The following ARHGAP36 variants were observed in gnomAD, a reference collection of about 807,000 sequenced individuals.
The protein encoded by ARHGAP36 is rho GTPase-activating protein 36.
A neutral mutation model predicts 32.9 loss-of-function variants in ARHGAP36; 7 were observed. That is an observed-to-expected ratio of 0.21 (90% CI 0.12 to 0.40). ARHGAP36 has a LOEUF of 0.40. ARHGAP36 is among the 10% of genes least tolerant of loss of function. The pLI is 1.00. For missense variants in ARHGAP36, 383 were observed against 442.2 expected (o/e 0.87, Z 1.20); for synonymous variants, 165 against 168.3 (o/e 0.98, Z 0.15).
intron 1 of ARHGAP36, among the ~76,000 whole-genome samples, chrX:131,075,572 C>T (rs1243798540): frequency 9.5e-6 from 1 of 105,402 alleles, no homozygotes; most frequent in Non-Finnish European, 1.9e-5. Flanking sequence ...TATATATATA[C>T]ACACACACAT....
At position 131,081,806 on chromosome X, in the gene ARHGAP36, G is replaced by A. The variant is rs868653873; in HGVS notation, c.141G>A (p.Thr47=). ...CAGGACACAACCCCGACCGCAGGAC[G>A]AAGATGGTATCGATACACAGCCTCT... is the stretch of plus-strand genomic sequence containing the variant. The part of the protein sequence containing the change: ...GAPGHNPDRR[T]KMVSIHSLSE... The change falls in exon 2 of 12, where the codon ACG becomes ACA. Residue 47 remains threonine, a synonymous_variant. Coordinates refer to ENST00000276211, the MANE Select transcript of ARHGAP36 (RefSeq NM_144967.4). The A allele has an allele frequency of 8.2e-7, 1 of 1,212,206 alleles. No individual in the cohort carries two copies. Among genetic ancestry groups the A allele is most frequent in the Non-Finnish European group, 1.1e-6 (1 of 895,655 alleles).
chrX:131,082,355 G>A (rs1399404969), intron 2 of ARHGAP36, among the ~76,000 whole-genome samples: 1 of 112,585 alleles, frequency 8.9e-6, no homozygotes, highest in Admixed American at 9.3e-5. Flanking sequence ...GTGAGAGAGA[G>A]ACGCTCCTAG....
rs776852492 is a variant in ARHGAP36, at chrX:131,081,403, C to G, written c.-142-121C>G. The G allele has an allele frequency of 6.9e-5, 38 of 547,685 alleles. No individual in the cohort carries two copies. The African/African-American group carries it at 7.9e-4, about 11-fold the overall frequency. The allele number at this position is 547,685 out of a possible 1,213,427, so 45.1% of individuals were successfully genotyped here. On this transcript the variant is annotated intron_variant, in intron 1 of 11. Coordinates refer to ENST00000276211, the MANE Select transcript of ARHGAP36 (RefSeq NM_144967.4). The stretch of plus-strand genomic sequence containing the variant: ...TGCTTTTGTTAAAAAATGTTTTTCT[C>G]TTTTATTTTTTCTTCTTATTTTCTC...
chrX:131,060,806 T>C (rs1036266514), intron 1 of ARHGAP36, among the ~76,000 whole-genome samples: 1 of 111,508 alleles, frequency 9.0e-6, no homozygotes, highest in Non-Finnish European at 1.9e-5. Context: ...TGCTTACATG[T>C]ATAATCTCAC....
intron 1 of ARHGAP36, among the ~76,000 whole-genome samples, chrX:131,074,467 G>A (rs971532492): frequency 9.1e-6 from 1 of 110,378 alleles, no homozygotes; most frequent in Non-Finnish European, 1.9e-5. Flanking sequence ...CTGAAAGGGA[G>A]CAGGTCTCAA....
Position 131,084,370 on chromosome X carries a change from G to C in ARHGAP36, c.711G>C (p.Gln237His). The change falls in exon 5 of 12, where the codon CAG becomes CAC. Residue 237 changes from glutamine to histidine, a missense_variant. Transcript: ENST00000276211. ...ATCCGATTGCGAAACAAATCCCCCA[G>C]GTTGTTGAGGCTTGCTGCCAATTCA... ...SLNPIAKQIP[Q>H]VVEACCQFIE... 1 of 1,209,641 alleles carries C rather than the reference G, an allele frequency of 8.3e-7. No individual in the cohort carries two copies. The highest frequency in any genetic ancestry group is 1.8e-5 in the South Asian group (1 of 56,312).
intron 1 of ARHGAP36, among the ~76,000 whole-genome samples, chrX:131,071,047 T>C (rs113847248): frequency 3.6e-5 from 4 of 111,310 alleles, no homozygotes; most frequent in African/African-American, 1.3e-4. Context: ...TTGTGTTTTA[T>C]CACAGTGGAG....
intron 1 of ARHGAP36, among the ~76,000 whole-genome samples, chrX:131,074,163 G>A (rs1363540471): frequency 1.8e-5 from 2 of 111,608 alleles, no homozygotes; most frequent in Non-Finnish European, 3.8e-5. Flanking sequence ...CCTCTGTTCA[G>A]ATGGCTTCCG....
chrX:131,082,955 T>C (rs1292365639), intron 2 of ARHGAP36, among the ~76,000 whole-genome samples: 2 of 113,151 alleles, frequency 1.8e-5, no homozygotes, highest in Non-Finnish European at 3.7e-5. Context: ...TTGGTTAAAT[T>C]CTTGGAGTCT....
At chrX:131,082,928 G>A (rs1214842249) in intron 2 of ARHGAP36, among the ~76,000 whole-genome samples, 1 of 113,350 alleles carries the variant, frequency 8.8e-6, no homozygotes. Flanking sequence ...CGCACGCGGC[G>A]CATTAGATTG....
chrX:131,073,794 G>A (rs2079745215), intron 1 of ARHGAP36, among the ~76,000 whole-genome samples: 1 of 111,645 alleles, frequency 9.0e-6, no homozygotes, highest in Non-Finnish European at 1.9e-5. Flanking sequence ...TTCTGATTGC[G>A]TCATAGCCAT....
intron 1 of ARHGAP36, among the ~76,000 whole-genome samples, chrX:131,077,356 T>C (rs1158509836): frequency 8.9e-6 from 1 of 111,966 alleles, no homozygotes; most frequent in Admixed American, 9.4e-5. Flanking sequence ...ATTCTAGTGA[T>C]GCCATAGAGT....
intron 11 of ARHGAP36, among the ~76,000 whole-genome samples, 159 bp from the exon 12 acceptor site, chrX:131,088,469 C>T (rs1175383023): frequency 1.8e-5 from 2 of 112,262 alleles, no homozygotes; most frequent in East Asian, 5.6e-4. Context: ...TGCTGTCAGG[C>T]TGTAGTATTC....
At position 131,081,767 on chromosome X, in the gene ARHGAP36, C is replaced by G. The variant is rs1157379923; in HGVS notation, c.102C>G (p.Val34=). 1 of 1,210,335 alleles carries G rather than the reference C, an allele frequency of 8.3e-7. No homozygotes were observed. The highest frequency in any genetic ancestry group is 1.1e-6 in the Non-Finnish European group (1 of 895,368). The change falls in exon 2 of 12, where the codon GTC becomes GTG. Residue 34 remains valine (V), a synonymous_variant. Coordinates refer to ENST00000276211, the MANE Select transcript of ARHGAP36 (RefSeq NM_144967.4). ...LLSAFIFLVS[V]LGGAPGHNPD... ...CCGCCTTCATTTTTTTAGTGAGTGT[C>G]TTGGGAGGAGCCCCAGGACACAACC...
intron 1 of ARHGAP36, chrX:131,078,828 C>A: frequency 1.3e-6 from 1 of 797,612 alleles, no homozygotes; most frequent in Non-Finnish European, 1.7e-6. Context: ...TGTGCTGGAG[C>A]AGGGAGGCAA....
In ARHGAP36 at chrX:131,088,974, T is replaced by G; in HGVS notation, c.*189T>G. 2 of 569,279 alleles carry G rather than the reference T, an allele frequency of 3.5e-6. No individual in the cohort carries two copies. The highest frequency in any genetic ancestry group is 5.1e-6 in the Non-Finnish European group (2 of 389,827). The allele number at this position is 569,279 out of a possible 1,213,427, so 46.9% of individuals were successfully genotyped here. ...CCCTTCACTGGGGATGCTTGGTCTC[T>G]TCTGCTGGTAAAAGCAGAGATGTTT... On this transcript the variant is annotated 3_prime_UTR_variant, in exon 12 of 12. Coordinates refer to ENST00000276211, the MANE Select transcript of ARHGAP36 (RefSeq NM_144967.4).
intron 1 of ARHGAP36, among the ~76,000 whole-genome samples, chrX:131,071,561 A>G (rs1202199423): frequency 8.9e-6 from 1 of 111,826 alleles, no homozygotes; most frequent in Admixed American, 9.4e-5. Context: ...CTAGAGGATA[A>G]GTGAAACTTG....
chrX:131,082,300 G>T (rs1217725065), intron 2 of ARHGAP36, among the ~76,000 whole-genome samples: 2 of 111,988 alleles, frequency 1.8e-5, no homozygotes, highest in Non-Finnish European at 3.8e-5. Context: ...GATAGAGACA[G>T]CGCGGTCGAG....
chrX:131,068,519 G>A (rs2079713550), intron 1 of ARHGAP36, among the ~76,000 whole-genome samples: 2 of 111,637 alleles, frequency 1.8e-5, no homozygotes, highest in African/African-American at 6.5e-5. Flanking sequence ...GCTGGCGCGA[G>A]GTCTCCGCGG....
Sources: gnomAD v4.1 joint callset for allele counts (sites outside exome capture counted in the v4.1 genomes callset) on GRCh38, gnomAD v4.1.1 for gene constraint, MANE v1.5 for transcripts, NCBI Gene and HGNC (gene_info 2026-07-23, HGNC 2026-07-21) for gene names.